Variants in CALN1 observed in about 807,000 individuals in gnomAD.
The protein encoded by CALN1 is calneuron 1.
Under a neutral mutation model 30.6 loss-of-function variants are expected in CALN1, and 17 were observed. The observed-to-expected ratio is 0.56, with a 90% CI of 0.38 to 0.83. The LOEUF is 0.83. Ranked by LOEUF, CALN1 falls within the 40% of genes least tolerant of loss-of-function variation. The pLI is 0.00. For synonymous variants in CALN1, 156 were observed against 131.4 expected (o/e 1.19, Z -1.28); for missense variants, 291 against 354.9 (o/e 0.82, Z 1.45).
At chr7:72,256,948 G>A (rs909738279) in intron 3 of CALN1, among the ~76,000 whole-genome samples, 1 of 152,166 alleles carries the variant, frequency 6.6e-6, no homozygotes, top group Non-Finnish European at 1.5e-5. Flanking sequence ...GGAGGTGGGT[G>A]ATTATATTCC....
chr7:72,338,520 TG>T (rs1802220793), intron 2 of CALN1, among the ~76,000 whole-genome samples: 1 of 148,932 alleles, frequency 6.7e-6, no homozygotes, highest in African/African-American at 2.5e-5. Flanking sequence ...TGTGTGTGTG[TG>T]TGTGTGTCTC....
At chr7:71,931,774 A>G (rs1409855761) in intron 5 of CALN1, among the ~76,000 whole-genome samples, 2 of 152,226 alleles carry the variant, frequency 1.3e-5, no homozygotes, top group African/African-American at 4.8e-5. Context: ...TGGGAGGCTT[A>G]CGGTGGCAGG....
intron 3 of CALN1, among the ~76,000 whole-genome samples, chr7:72,150,852 A>G (rs1211575268): frequency 2.0e-5 from 3 of 146,884 alleles, no homozygotes. Flanking sequence ...TAGATGCTCA[A>G]TAACTATTTG....
chr7:72,439,462 C>A (rs1311301281), intron 1 of CALN1, among the ~76,000 whole-genome samples: 2 of 151,400 alleles, frequency 1.3e-5, no homozygotes, highest in African/African-American at 4.9e-5. Flanking sequence ...TGTATTCTTA[C>A]AATAAAGTAA....
chr7:71,976,844 C>T (rs1798123831), intron 5 of CALN1, among the ~76,000 whole-genome samples: 1 of 152,164 alleles, frequency 6.6e-6, no homozygotes, highest in South Asian at 2.1e-4. Context: ...GATGTCACAA[C>T]CTGAATTTCC....
chr7:72,405,696 T>G (rs945299284), intron 1 of CALN1, among the ~76,000 whole-genome samples: 1 of 151,352 alleles, frequency 6.6e-6, no homozygotes, highest in Non-Finnish European at 1.5e-5. Flanking sequence ...GAGAAGCAAG[T>G]GTGTCATTAC....
At chr7:71,918,797 C>G (rs1794802213) in intron 5 of CALN1, among the ~76,000 whole-genome samples, 1 of 152,180 alleles carries the variant, frequency 6.6e-6, no homozygotes, top group Non-Finnish European at 1.5e-5. Flanking sequence ...CCTTGGAATT[C>G]TATCCATCTC....
chr7:71,905,886 A>G (rs1022756878), intron 5 of CALN1, among the ~76,000 whole-genome samples: 16 of 152,162 alleles, frequency 1.1e-4, no homozygotes, highest in Non-Finnish European at 1.3e-4. Flanking sequence ...ATGGCTGAGG[A>G]GGCCTCAGGA....
chr7:71,866,484 AGCATATGATCCATAT>A (rs1415836233), intron 5 of CALN1, among the ~76,000 whole-genome samples: 4 of 152,192 alleles, frequency 2.6e-5, no homozygotes, highest in Non-Finnish European at 4.4e-5. Flanking sequence ...TAAAGTAAGT[AGCATATGATCCATAT>A]GTTATTGGTA....
intron 5 of CALN1, among the ~76,000 whole-genome samples, chr7:71,877,128 T>C (rs1424729442): frequency 6.6e-6 from 1 of 152,022 alleles, no homozygotes; most frequent in Non-Finnish European, 1.5e-5. Context: ...CATATAAATA[T>C]CAATAGACGC....
intron 3 of CALN1, among the ~76,000 whole-genome samples, chr7:72,204,277 G>A (rs1383922778): frequency 6.6e-6 from 1 of 151,354 alleles, no homozygotes; most frequent in Non-Finnish European, 1.5e-5. Context: ...TTACAGGTGT[G>A]AGCCACCGCA....
the CALN1 span, among the ~76,000 whole-genome samples, chr7:72,481,248 G>C: frequency 6.6e-6 from 1 of 152,024 alleles, no homozygotes; most frequent in Non-Finnish European, 1.5e-5. Context: ...CACTGCGCCC[G>C]GCCTAATTTT....
At chr7:72,043,685 C>T (rs1437139443) in intron 4 of CALN1, among the ~76,000 whole-genome samples, 4 of 152,110 alleles carry the variant, frequency 2.6e-5, no homozygotes, top group Admixed American at 1.3e-4. Context: ...GCAGAAGGAT[C>T]GCTTGAGCCC....
chr7:71,816,930 T>C (rs915193424), intron 5 of CALN1, among the ~76,000 whole-genome samples: 1 of 152,162 alleles, frequency 6.6e-6, no homozygotes, highest in African/African-American at 2.4e-5. Flanking sequence ...ATTGCACCAC[T>C]GCACTCCAGC....
At chr7:72,308,369 G>C (rs537497455) in intron 2 of CALN1, among the ~76,000 whole-genome samples, 3 of 103,810 alleles carry the variant, frequency 2.9e-5, no homozygotes, top group East Asian at 6.2e-4. Context: ...GTCTGTGGGG[G>C]GGGGAGAGAG....
intron 2 of CALN1, among the ~76,000 whole-genome samples, chr7:72,329,222 C>G (rs1801493274): frequency 6.6e-6 from 1 of 152,166 alleles, no homozygotes; most frequent in Non-Finnish European, 1.5e-5. Flanking sequence ...TAGAAATCAC[C>G]AAATTAAGGT....
At chr7:71,935,708 C>T (rs114756393) in intron 5 of CALN1, among the ~76,000 whole-genome samples, 2 of 152,066 alleles carry the variant, frequency 1.3e-5, no homozygotes, top group South Asian at 2.1e-4. Flanking sequence ...GCAACAAGAG[C>T]GAAACTCCGT....
intron 4 of CALN1, among the ~76,000 whole-genome samples, chr7:72,032,215 C>T (rs1458410692): frequency 4.0e-5 from 6 of 151,808 alleles, no homozygotes; most frequent in South Asian, 4.2e-4. Flanking sequence ...CCCACCACTG[C>T]GCCCAGCTAA....
the CALN1 span, among the ~76,000 whole-genome samples, chr7:72,458,906 T>TTTTG: frequency 1.4e-5 from 2 of 145,100 alleles, no homozygotes; most frequent in Non-Finnish European, 3.0e-5. Flanking sequence ...TTTTGGGGTT[T>TTTTG]TTTGTTTGTT....
Sources: gnomAD v4.1 joint callset for allele counts (sites outside exome capture counted in the v4.1 genomes callset) on GRCh38, gnomAD v4.1.1 for gene constraint, MANE v1.5 for transcripts, NCBI Gene and HGNC (gene_info 2026-07-23, HGNC 2026-07-21) for gene names.